The following MDGA2 variants were observed in gnomAD, a reference collection of about 807,000 sequenced individuals.
The protein encoded by MDGA2 is MAM domain containing glycosylphosphatidylinositol anchor 2.
MDGA2 carries 40 observed loss-of-function variants against 117.8 expected under a neutral mutation model. The ratio of observed to expected loss-of-function variants is 0.34; its 90% CI spans 0.26 to 0.44. MDGA2 has a LOEUF of 0.44. Among genes scored for constraint, MDGA2 ranks in the 20% least tolerant of loss-of-function variants. MDGA2 has a pLI of 1.00. For missense variants in MDGA2, 1,123 were observed against 1,250.6 expected, an observed-to-expected ratio of 0.90 and a Z score of 1.54; for synonymous variants, 452 against 439.0, an observed-to-expected ratio of 1.03 and a Z score of -0.37.
At chr14:47,497,973 CA>C (rs1894317197) in intron 1 of MDGA2, among the ~76,000 whole-genome samples, 2 of 152,098 alleles carry the variant, frequency 1.3e-5, no homozygotes, top group African/African-American at 4.8e-5. Flanking sequence ...GAAATGTTAA[CA>C]TAAGTCAATG....
intron 5 of MDGA2, among the ~76,000 whole-genome samples, chr14:47,115,336 T>C (rs927580672): frequency 5.9e-5 from 9 of 152,022 alleles, no homozygotes; most frequent in African/African-American, 1.9e-4. Context: ...ATTGCTGCTC[T>C]ACCCTTTAAT....
At chr14:47,368,425 A>T (rs932549986) in intron 1 of MDGA2, among the ~76,000 whole-genome samples, 3 of 152,218 alleles carry the variant, frequency 2.0e-5, no homozygotes, top group African/African-American at 4.8e-5. Flanking sequence ...TTCTACTACC[A>T]TCTAGATTAG....
chr14:46,955,106 T>C (rs1363632059), intron 9 of MDGA2, among the ~76,000 whole-genome samples: 1 of 152,096 alleles, frequency 6.6e-6, no homozygotes, highest in Admixed American at 6.6e-5. Flanking sequence ...TATTGAGACA[T>C]TTTGAATCTT....
intron 1 of MDGA2, among the ~76,000 whole-genome samples, chr14:47,670,453 A>G (rs1290657235): frequency 6.6e-6 from 1 of 152,200 alleles, no homozygotes; most frequent in Non-Finnish European, 1.5e-5. Flanking sequence ...AAGCCAACTG[A>G]TAAGTTTACA....
intron 1 of MDGA2, among the ~76,000 whole-genome samples, chr14:47,593,089 T>C (rs1896472087): frequency 6.6e-6 from 1 of 152,134 alleles, no homozygotes; most frequent in Admixed American, 6.5e-5. Context: ...CAGACACTTC[T>C]CAAAAGAAGA....
intron 8 of MDGA2, among the ~76,000 whole-genome samples, chr14:46,983,107 G>A (rs1012685420): frequency 6.6e-6 from 1 of 151,888 alleles, no homozygotes; most frequent in Non-Finnish European, 1.5e-5. Flanking sequence ...GCTGGATTAC[G>A]TTTATTGATA....
chr14:46,930,781 G>C (rs1052698935), intron 9 of MDGA2, among the ~76,000 whole-genome samples: 2 of 152,016 alleles, frequency 1.3e-5, no homozygotes, highest in Non-Finnish European at 2.9e-5. Context: ...CCTTTCAATA[G>C]TTAATTGTCT....
chr14:47,127,304 G>A (rs1881955100), intron 5 of MDGA2, among the ~76,000 whole-genome samples: 1 of 152,052 alleles, frequency 6.6e-6, no homozygotes, highest in Non-Finnish European at 1.5e-5. Flanking sequence ...AAAGAGCAAT[G>A]AAATATCTCG....
At chr14:47,632,771 C>G (rs1200061556) in intron 1 of MDGA2, among the ~76,000 whole-genome samples, 2 of 151,394 alleles carry the variant, frequency 1.3e-5, no homozygotes, top group Non-Finnish European at 2.9e-5. Flanking sequence ...GAGGGGGGGG[C>G]TCTTCCTTTC....
intron 8 of MDGA2, among the ~76,000 whole-genome samples, chr14:46,960,125 G>A (rs12587650): frequency 0.12 from 17,804 of 151,926 alleles, 1,956 homozygotes; most frequent in African/African-American, 0.27. Context: ...GGAGGCTGAG[G>A]CAGGGGAATC....
chr14:47,667,176 A>T (rs1897990492), intron 1 of MDGA2, among the ~76,000 whole-genome samples: 1 of 152,212 alleles, frequency 6.6e-6, no homozygotes, highest in African/African-American at 2.4e-5. Context: ...GACTGAATTT[A>T]TGAGAACTGA....
Position 47,472,044 on chromosome 14 carries a change from T to C in MDGA2, c.281-170494A>G, listed in dbSNP as rs111389030. On this transcript the variant is annotated intron_variant, in intron 1 of 16. Transcript: ENST00000399232. ...CAATAATGTGAACTATGTGATTCTTTTTCTTCCTTTTAATTGTAAGAGTAA... is the reference window on the plus strand; with the variant it reads ...CAATAATGTGAACTATGTGATTCTTCTTCTTCCTTTTAATTGTAAGAGTAA... Among the ~76,000 whole-genome samples the C allele has an allele frequency of 2.9e-3, 441 of 152,252 alleles. 1 individual carries two copies. Among genetic ancestry groups the C allele is most frequent in the African/African-American group, 0.01 (418 of 41,544 alleles).
At chr14:46,883,976 C>G (rs1882566910) in intron 10 of MDGA2, among the ~76,000 whole-genome samples, 2 of 151,930 alleles carry the variant, frequency 1.3e-5, no homozygotes, top group African/African-American at 4.8e-5. Flanking sequence ...TATCCTTTTT[C>G]ATGGGGCTTT....
chr14:47,520,369 CA>C (rs1319567347), intron 1 of MDGA2, among the ~76,000 whole-genome samples: 1 of 152,132 alleles, frequency 6.6e-6, no homozygotes, highest in East Asian at 1.9e-4. Flanking sequence ...TGAAAATGAT[CA>C]TCCAAAAGCA....
At chr14:47,481,208 G>A (rs754945382) in intron 1 of MDGA2, among the ~76,000 whole-genome samples, 9 of 151,942 alleles carry the variant, frequency 5.9e-5, no homozygotes, top group East Asian at 1.9e-4. Flanking sequence ...AGTGATAAGC[G>A]TAGGAGGAAA....
At chr14:46,867,260 G>A (rs1881807779) in intron 14 of MDGA2, among the ~76,000 whole-genome samples, 1 of 152,132 alleles carries the variant, frequency 6.6e-6, no homozygotes, top group Non-Finnish European at 1.5e-5. Flanking sequence ...GATGAAATTG[G>A]AAATCATCAT....
At chr14:47,304,024 A>C (rs967162101) in intron 1 of MDGA2, among the ~76,000 whole-genome samples, 6 of 152,184 alleles carry the variant, frequency 3.9e-5, no homozygotes, top group Admixed American at 1.3e-4. Flanking sequence ...AATTGCCTGC[A>C]TACTGCAGTC....
chr14:47,227,966 C>G (rs1244576482), intron 2 of MDGA2, among the ~76,000 whole-genome samples: 1 of 152,084 alleles, frequency 6.6e-6, no homozygotes, highest in Non-Finnish European at 1.5e-5. Flanking sequence ...CTTTTAGCCA[C>G]CAAGTGCCTG....
intron 3 of MDGA2, among the ~76,000 whole-genome samples, chr14:47,165,140 T>C (rs943930207): frequency 6.6e-6 from 1 of 152,068 alleles, no homozygotes; most frequent in Non-Finnish European, 1.5e-5. Context: ...TTAGGAGATA[T>C]ACCTGATGTA....
Sources: gnomAD v4.1 joint callset for allele counts (sites outside exome capture counted in the v4.1 genomes callset) on GRCh38, gnomAD v4.1.1 for gene constraint, MANE v1.5 for transcripts, NCBI Gene and HGNC (gene_info 2026-07-23, HGNC 2026-07-21) for gene names.